AQR: variants seen among roughly 807,000 people sequenced by gnomAD.
AQR encodes the protein RNA helicase aquarius.
In AQR, 61 loss-of-function variants were observed where a neutral mutation model predicts 180.5. The observed-to-expected ratio is 0.34, with a 90% CI of 0.28 to 0.42. The LOEUF is 0.42. Ranked by LOEUF, AQR falls within the 10% of genes least tolerant of loss-of-function variation. The pLI, the probability that AQR is intolerant of heterozygous loss-of-function variation, is 1.00. For synonymous variants in AQR, 551 were observed against 588.8 expected (o/e 0.94, Z 0.93); for missense variants, 1,281 against 1,798.3 (o/e 0.71, Z 5.20).
chr15:34,881,836 C>T (rs1398803175), intron 27 of AQR, among the ~76,000 whole-genome samples: 1 of 152,072 alleles, frequency 6.6e-6, no homozygotes, highest in African/African-American at 2.4e-5. Flanking sequence ...GATAGAGTCT[C>T]ACTCTGTTGC....
At chr15:34,864,291 C>T (rs1892713295) in intron 32 of AQR, among the ~76,000 whole-genome samples, 1 of 151,952 alleles carries the variant, frequency 6.6e-6, no homozygotes. Flanking sequence ...TGTGAAGGGA[C>T]AGAGCAGGGA....
At chr15:34,926,367 G>C (rs1205115757) in intron 13 of AQR, among the ~76,000 whole-genome samples, 1 of 152,098 alleles carries the variant, frequency 6.6e-6, no homozygotes. Context: ...TATCCCAAGA[G>C]CTGGGAGATG....
rs185142144 is a variant in AQR, at chr15:34,928,311, T to C, written c.1015-1173A>G. Among the ~76,000 whole-genome samples the C allele has an allele frequency of 3.9e-5, 6 of 152,294 alleles. No individual in the cohort carries two copies. In the South Asian group the frequency reaches 6.2e-4, roughly 16 times the overall value. ...GTATACATGTGCCATGGTGGTTTGCTGCACCTATTGACCTGTCCTCTAAAT... is the reference window on the plus strand; with the variant it reads ...GTATACATGTGCCATGGTGGTTTGCCGCACCTATTGACCTGTCCTCTAAAT... On this transcript the variant is annotated intron_variant, in intron 12 of 34. Coordinates refer to ENST00000156471, the MANE Select transcript of AQR (RefSeq NM_014691.3).
At chr15:34,886,874 A>G (rs1893067701) in intron 24 of AQR, among the ~76,000 whole-genome samples, 1 of 152,238 alleles carries the variant, frequency 6.6e-6, no homozygotes, top group African/African-American at 2.4e-5. Context: ...CTGTAATCCC[A>G]ACACTTCGGG....
At chr15:34,893,888 C>A in intron 22 of AQR, 115 bp from the exon 23 acceptor site, 4 of 790,924 alleles carry the variant, frequency 5.1e-6, no homozygotes, top group Non-Finnish European at 8.4e-6. Context: ...GTAGATGGGC[C>A]CAATAACAGA....
At chr15:34,879,225 G>C (rs889452955) in intron 27 of AQR, among the ~76,000 whole-genome samples, 1 of 152,178 alleles carries the variant, frequency 6.6e-6, no homozygotes, top group East Asian at 1.9e-4. Flanking sequence ...TGAGTTTACA[G>C]GATGATAGAT....
rs35327798 is a variant in AQR at position 34,854,155 on chromosome 15, GAAAAAAAA to G, written c.*2629_*2636del. ...ATGAACTTTCTTAACTCAGAATTTTGAAAAAAAAAAAAAAAAAAGAAGAAGAAATTCTA... is the reference window on the plus strand; with the variant it reads ...ATGAACTTTCTTAACTCAGAATTTTGAAAAAAAAAAGAAGAAGAAATTCTA... On this transcript the variant is annotated 3_prime_UTR_variant, in exon 35 of 35. Coordinates refer to ENST00000156471, the MANE Select transcript of AQR (RefSeq NM_014691.3). The G allele has an allele frequency of 7.6e-6, 1 of 130,788 alleles. No homozygotes were observed. The highest frequency in any genetic ancestry group is 2.9e-5 in the African/African-American group (1 of 34,554). The allele number at this position is 130,788 out of a possible 1,614,324, so 8.1% of individuals were successfully genotyped here. A position where few individuals can be genotyped will look rare whatever the true frequency, so the allele number is the denominator to read the frequency against.
intron 23 of AQR, 117 bp downstream of exon 23, chr15:34,893,546 T>A: frequency 1.3e-6 from 1 of 759,420 alleles, no homozygotes; most frequent in South Asian, 1.9e-5. Flanking sequence ...GAACTTATTG[T>A]GTCCCACACT....
chr15:34,910,034 G>T, intron 17 of AQR, 101 bp downstream of exon 17: 1 of 1,351,774 alleles, frequency 7.4e-7, no homozygotes, highest in Non-Finnish European at 1.0e-6. Flanking sequence ...CTTAATAAAA[G>T]CTTTAAAGGA....
chr15:34,958,557 T>A (rs1894364053), intron 3 of AQR, among the ~76,000 whole-genome samples: 1 of 152,156 alleles, frequency 6.6e-6, no homozygotes, highest in South Asian at 2.1e-4. Context: ...AGAAGAGAGC[T>A]ACATATAAAA....
intron 29 of AQR, 42 bp from the exon 30 acceptor site, chr15:34,874,041 A>C (rs567234646): frequency 6.5e-7 from 1 of 1,539,500 alleles, no homozygotes; most frequent in African/African-American, 1.4e-5. Flanking sequence ...AAATATTAGC[A>C]GTGTAAAATC....
At chr15:34,881,950 C>T (rs1216478789) in intron 27 of AQR, among the ~76,000 whole-genome samples, 3 of 152,020 alleles carry the variant, frequency 2.0e-5, no homozygotes, top group Non-Finnish European at 4.4e-5. Context: ...GGATTACAGG[C>T]GTATACCACC....
rs776552318 is a variant in AQR at position 34,918,374 on chromosome 15, G to C, written c.1226C>G (p.Ser409Cys). The change falls in exon 15 of 35, where the codon TCT (serine) becomes TGT (cysteine). Residue 409 changes from serine (S) to cysteine (C), a missense_variant. By Grantham distance (112) the Ser-to-Cys change is moderately radical (BLOSUM62 -1). Around this residue, in one of 9 missense-constraint regions of AQR, gnomAD observed 404 missense variants for 490.9 expected, o/e 0.82. Coordinates refer to ENST00000156471, the MANE Select transcript of AQR (RefSeq NM_014691.3). The stretch of plus-strand genomic sequence containing the variant: ...CTGAGAAATTCGACGTTCATGACGA[G>C]ATACCTAAAATAAAGGAAACAAGTT... ...DKEFLLELLV[S>C]RHERRISQIQ... 4 of 1,613,024 alleles carry C rather than the reference G, an allele frequency of 2.5e-6. No homozygotes were observed. In the Admixed American group the frequency reaches 6.7e-5, roughly 27 times the overall value.
intron 32 of AQR, among the ~76,000 whole-genome samples, chr15:34,864,670 T>A (rs182533096): frequency 1.6e-4 from 24 of 152,252 alleles, no homozygotes; most frequent in African/African-American, 5.5e-4. Flanking sequence ...TTCATGGTGA[T>A]CTCTTACATC....
At chr15:34,900,043 C>T (rs916277783) in intron 20 of AQR, among the ~76,000 whole-genome samples, 4 of 152,076 alleles carry the variant, frequency 2.6e-5, no homozygotes, top group Non-Finnish European at 5.9e-5. Context: ...CAGGTGTGCG[C>T]CACCATGCCC....
At position 34,858,320 on chromosome 15, in the gene AQR, CAAAAAAAAAAA is replaced by C. The variant is rs57627687; in HGVS notation, c.4144-1225_4144-1215del. Among the ~76,000 whole-genome samples the C allele has an allele frequency of 4.2e-3, 358 of 86,084 alleles. 1 individual carries two copies. Among genetic ancestry groups the C allele is most frequent in the Non-Finnish European group, 6.7e-3 (297 of 44,166 alleles). The allele number at this position is 86,084 out of a possible 152,430, so 56.5% of individuals were successfully genotyped here. ...TAAAAAGTACCGTGCACGACAGCAGCAAAAAAAAAAAAAAAAAAAAAGAAAACGAAAAAGAA... is the reference window on the plus strand; with the variant it reads ...TAAAAAGTACCGTGCACGACAGCAGCAAAAAAAAAAGAAAACGAAAAAGAA... On this transcript the variant is annotated intron_variant, in intron 34 of 34. Transcript: ENST00000156471.
chr15:34,920,818 C>A (rs936914028), intron 13 of AQR, among the ~76,000 whole-genome samples: 1 of 151,998 alleles, frequency 6.6e-6, no homozygotes, highest in Non-Finnish European at 1.5e-5. Flanking sequence ...ATTAGCCGGG[C>A]GTGGTGGCGG....
chr15:34,949,199 G>C (rs1894177657), intron 4 of AQR, among the ~76,000 whole-genome samples: 1 of 151,286 alleles, frequency 6.6e-6, no homozygotes, highest in Admixed American at 6.6e-5. Flanking sequence ...TCTCCATGTT[G>C]GTCAGGCTGG....
At chr15:34,874,576 G>A in intron 29 of AQR, 101 bp downstream of exon 29, 7 of 1,413,472 alleles carry the variant, frequency 5.0e-6, no homozygotes, top group Non-Finnish European at 6.8e-6. Flanking sequence ...TTCCTGGATA[G>A]CCAAGAATGC....
Sources: allele counts gnomAD v4.1 joint callset (sites outside exome capture counted in the v4.1 genomes callset), GRCh38; gene constraint gnomAD v4.1.1; regional missense constraint gnomAD v4.1.1; transcripts MANE v1.5; gene names NCBI Gene and HGNC (gene_info 2026-07-23, HGNC 2026-07-21).